Variants in UBE2E3 observed in about 807,000 individuals in gnomAD.
UBE2E3 encodes ubiquitin-conjugating enzyme E2 E3.
In UBE2E3, 5 loss-of-function variants were observed where a neutral mutation model predicts 23.6. The observed-to-expected ratio is 0.21, with a 90% CI of 0.11 to 0.44. The LOEUF is 0.44. UBE2E3 is among the 20% of genes least tolerant of loss of function. The pLI is 0.99. For synonymous variants in UBE2E3, 78 were observed against 87.5 expected, an observed-to-expected ratio of 0.89 and a Z score of 0.60; for missense variants, 81 against 249.8, an observed-to-expected ratio of 0.32 and a Z score of 4.55.
intron 3 of UBE2E3, among the ~76,000 whole-genome samples, chr2:181,012,126 C>T (rs1213148887): frequency 6.6e-6 from 1 of 152,138 alleles, no homozygotes; most frequent in Non-Finnish European, 1.5e-5. Flanking sequence ...GATCAGTCAG[C>T]AACTCCAGGT....
intron 3 of UBE2E3, chr2:180,990,150 C>G: frequency 1.6e-6 from 1 of 627,188 alleles, no homozygotes; most frequent in South Asian, 2.7e-5. Context: ...TCAACTGAGG[C>G]AATTTTTGTC....
At chr2:181,016,633 C>G (rs1036229642) in intron 3 of UBE2E3, among the ~76,000 whole-genome samples, 5 of 152,234 alleles carry the variant, frequency 3.3e-5, no homozygotes, top group South Asian at 4.1e-4. Context: ...CAAACTGATT[C>G]TTTTTGCAAA....
At position 181,005,178 on chromosome 2, in the gene UBE2E3, A is replaced by G. The variant is rs114575584; in HGVS notation, c.245+21085A>G. On this transcript the variant is annotated intron_variant, in intron 3 of 5. Transcript: ENST00000410062. The stretch of plus-strand genomic sequence containing the variant: ...TTGGCATGCTGTCAGCATCTGATTT[A>G]CCTTTCCATTTGCTTGCTTTCCTTC... Among the ~76,000 whole-genome samples the G allele has an allele frequency of 8.5e-3, 1,290 of 152,280 alleles. 21 individuals are homozygous for G. Among genetic ancestry groups the G allele is most frequent in the African/African-American group, 0.029 (1,225 of 41,548 alleles).
intron 4 of UBE2E3, among the ~76,000 whole-genome samples, chr2:181,060,426 A>G (rs1478642712): frequency 1.3e-5 from 2 of 151,736 alleles, no homozygotes; most frequent in Non-Finnish European, 1.5e-5. Flanking sequence ...TTACTGTATC[A>G]GTTATTTAAG....
chr2:181,001,325 G>T (rs1335378356), intron 3 of UBE2E3, among the ~76,000 whole-genome samples: 1 of 152,194 alleles, frequency 6.6e-6, no homozygotes, highest in East Asian at 1.9e-4. Context: ...GTAGCCTCCA[G>T]AAAGTTGAGA....
chr2:181,043,449 T>G (rs930461873), intron 3 of UBE2E3, among the ~76,000 whole-genome samples: 3 of 152,202 alleles, frequency 2.0e-5, no homozygotes, highest in African/African-American at 7.2e-5. Context: ...TCAGGCTTAG[T>G]GTATAAGATG....
Position 180,982,231 on chromosome 2 carries a change from T to C in UBE2E3, c.189T>C (p.Ala63=). The change falls in exon 2 of 6, where the codon GCT becomes GCC. Residue 63 remains alanine (A), a synonymous_variant. Transcript: ENST00000410062. ...CCACTGCTAAGTTATCCACTAGTGC[T>C]AAAAGGTAATGTGTAAAAGAAGGAT... ...SKTTAKLSTS[A]KRIQKELAEI... is the part of the protein sequence containing the mutation. 3 of 1,612,040 alleles carry C rather than the reference T, an allele frequency of 1.9e-6. No homozygotes were observed. Among genetic ancestry groups the C allele is most frequent in the African/African-American group, 2.7e-5 (2 of 74,760 alleles).
At chr2:181,028,405 A>C (rs1268206575) in intron 3 of UBE2E3, among the ~76,000 whole-genome samples, 2 of 152,040 alleles carry the variant, frequency 1.3e-5, no homozygotes, top group Non-Finnish European at 2.9e-5. Flanking sequence ...ATGTGAGTAA[A>C]TTCTTTCATT....
intron 3 of UBE2E3, among the ~76,000 whole-genome samples, chr2:181,029,574 T>A (rs1054117049): frequency 2.0e-5 from 3 of 152,010 alleles, no homozygotes; most frequent in Non-Finnish European, 2.9e-5. Context: ...ACTTGTTTTT[T>A]ATCTAGCAAC....
chr2:181,013,337 T>C (rs1196854043), intron 3 of UBE2E3, among the ~76,000 whole-genome samples: 2 of 152,082 alleles, frequency 1.3e-5, no homozygotes, highest in African/African-American at 2.4e-5. Context: ...GTGGTTCTGG[T>C]TCAGGGTCTT....
rs151095444 is a variant in UBE2E3 at position 181,036,808 on chromosome 2, CTTTA to C, written c.246-20880_246-20877del. Among the ~76,000 whole-genome samples, 21 of 152,182 alleles carry C rather than the reference CTTTA, an allele frequency of 1.4e-4. No individual in the cohort carries two copies. The East Asian group carries it at 2.7e-3, about 20-fold the overall frequency. On this transcript the variant is annotated intron_variant, in intron 3 of 5. Coordinates refer to ENST00000410062, the MANE Select transcript of UBE2E3 (RefSeq NM_006357.4). ...TGCTTGATATTAGAAATATTTTGGTCTTTATTTAGTAAATTTTGGTGATGTTGTG... is the reference window on the plus strand; with the variant it reads ...TGCTTGATATTAGAAATATTTTGGTCTTTAGTAAATTTTGGTGATGTTGTG...
At chr2:181,014,284 A>G (rs1002373659) in intron 3 of UBE2E3, among the ~76,000 whole-genome samples, 1 of 152,150 alleles carries the variant, frequency 6.6e-6, no homozygotes, top group South Asian at 2.1e-4. Context: ...TACTTAAGGG[A>G]TATTCAGTGG....
At chr2:181,036,534 T>C (rs1370483592) in intron 3 of UBE2E3, among the ~76,000 whole-genome samples, 2 of 152,182 alleles carry the variant, frequency 1.3e-5, no homozygotes, top group Non-Finnish European at 2.9e-5. Context: ...TTCAGAGATG[T>C]GCATGTTAAG....
At position 181,051,191 on chromosome 2, in the gene UBE2E3, A is replaced by G. The variant is rs1409669104; in HGVS notation, c.246-6502A>G. On this transcript the variant is annotated intron_variant, in intron 3 of 5. Transcript: ENST00000410062. ...TTTTAAAACTTGAATAAATGGTATTAAATTACATGTTTAATCCTTCAGCTT... is the reference window on the plus strand; with the variant it reads ...TTTTAAAACTTGAATAAATGGTATTGAATTACATGTTTAATCCTTCAGCTT... Among the ~76,000 whole-genome samples, 4 of 151,860 alleles carry G rather than the reference A, an allele frequency of 2.6e-5. No homozygotes were observed. The East Asian group carries it at 7.7e-4, about 29-fold the overall frequency.
At chr2:180,983,996 T>C in intron 2 of UBE2E3, 47 bp from the exon 3 acceptor site, 1 of 1,529,544 alleles carries the variant, frequency 6.5e-7, no homozygotes, top group Non-Finnish European at 9.0e-7. Context: ...CTGGTTATTC[T>C]GTAGACTATA....
At chr2:181,015,419 G>T (rs1240160213) in intron 3 of UBE2E3, among the ~76,000 whole-genome samples, 1 of 152,048 alleles carries the variant, frequency 6.6e-6, no homozygotes, top group East Asian at 1.9e-4. Flanking sequence ...CTGAGACAAA[G>T]TAGGGATAGA....
chr2:181,058,719 C>T (rs1333691945), intron 4 of UBE2E3, among the ~76,000 whole-genome samples: 2 of 126,684 alleles, frequency 1.6e-5, no homozygotes, highest in Non-Finnish European at 3.5e-5. Flanking sequence ...ATTTATGTAG[C>T]CTGTGTGTAT....
chr2:181,055,649 GAA>G (rs1413810370), intron 3 of UBE2E3, among the ~76,000 whole-genome samples: 1 of 151,688 alleles, frequency 6.6e-6, no homozygotes, highest in African/African-American at 2.4e-5. Context: ...AAGACAATAG[GAA>G]AAGTTATTTA....
chr2:181,011,299 T>C (rs1391504649), intron 3 of UBE2E3, among the ~76,000 whole-genome samples: 1 of 151,392 alleles, frequency 6.6e-6, no homozygotes, highest in Non-Finnish European at 1.5e-5. Flanking sequence ...CATGGCAGAG[T>C]TCAAGAGAGA....
Sources: allele counts gnomAD v4.1 joint callset (sites outside exome capture counted in the v4.1 genomes callset), GRCh38; gene constraint gnomAD v4.1.1; transcripts MANE v1.5; gene names NCBI Gene and HGNC (gene_info 2026-07-23, HGNC 2026-07-21).